The following SPTAN1 variants were observed in gnomAD, a reference collection of about 807,000 sequenced individuals.
SPTAN1 encodes the protein spectrin alpha chain, non-erythrocytic 1.
In SPTAN1, 61 loss-of-function variants were observed where a neutral mutation model predicts 331.3. The observed-to-expected ratio is 0.18, with a 90% CI of 0.15 to 0.23. SPTAN1 has a LOEUF of 0.23. SPTAN1 is among the 10% of genes least tolerant of loss of function. The pLI is 1.00. For synonymous variants in SPTAN1, 1,153 were observed against 1,173.9 expected (o/e 0.98, Z 0.36); for missense variants, 2,043 against 3,147.9 (o/e 0.65, Z 8.40).
At chr9:128,592,336 G>A (rs1178460386) in intron 22 of SPTAN1, among the ~76,000 whole-genome samples, 1 of 150,582 alleles carries the variant, frequency 6.6e-6, no homozygotes, top group Non-Finnish European at 1.5e-5. Context: ...GTGCAGTGGT[G>A]TGATCTTGGC....
chr9:128,622,994 G>T (rs1421375543), intron 45 of SPTAN1, among the ~76,000 whole-genome samples: 1 of 151,740 alleles, frequency 6.6e-6, no homozygotes, highest in Non-Finnish European at 1.5e-5. Flanking sequence ...CTCATGATCC[G>T]CCTGCCTCGG....
intron 21 of SPTAN1, among the ~76,000 whole-genome samples, chr9:128,590,236 A>G (rs1460403408): frequency 6.6e-6 from 1 of 152,188 alleles, no homozygotes; most frequent in African/African-American, 2.4e-5. Context: ...ATTTAAACCT[A>G]AACCAACTTG....
At position 128,555,530 on chromosome 9, in the gene SPTAN1, C is replaced by T; in HGVS notation, c.-4+2834C>T. 7.2e-6 allele frequency: 4 copies of T among 554,926 alleles called. No homozygotes were observed. The South Asian group carries it at 7.9e-5, about 11-fold the overall frequency. 34.4% of individuals were successfully genotyped at this position (554,926 alleles called of 1,614,324 possible). ...AAAAAACCCTGCCTGCATGACGTTT[C>T]TGTTAAACAAATTGGTTAGGATTTG... On this transcript the variant is annotated intron_variant, in intron 1 of 56. Transcript: ENST00000372739.
chr9:128,561,112 G>C (rs1230965514), intron 1 of SPTAN1, among the ~76,000 whole-genome samples: 2 of 151,678 alleles, frequency 1.3e-5, no homozygotes, highest in Non-Finnish European at 1.5e-5. Flanking sequence ...GTTCACGCCT[G>C]TAATCCCAGC....
At chr9:128,563,252 C>CA (rs1251915258) in intron 1 of SPTAN1, among the ~76,000 whole-genome samples, 5 of 151,054 alleles carry the variant, frequency 3.3e-5, no homozygotes, top group Non-Finnish European at 5.9e-5. Context: ...CACACCTGTA[C>CA]AAAAAATATA....
In SPTAN1 at chr9:128,627,004, G is replaced by C; in HGVS notation, c.6576+317G>C. The C allele has an allele frequency of 1.8e-6, 1 of 558,808 alleles. No individual in the cohort carries two copies. The highest frequency in any genetic ancestry group is 1.5e-5 in the South Asian group (1 of 65,238). 34.6% of individuals were successfully genotyped at this position (558,808 alleles called of 1,614,324 possible). ...TAATTATTTTAATTTTTGTAGACAG[G>C]GTGTTGCTATGTTGCCCAGGCTGGT... is the stretch of plus-strand genomic sequence containing the variant. On this transcript the variant is annotated intron_variant, in intron 49 of 56. Coordinates refer to ENST00000372739, the MANE Select transcript of SPTAN1 (RefSeq NM_001130438.3). The surrounding 1 kb of genome is among the most constrained non-coding windows in gnomAD (Gnocchi z 4.9).
rs1858904437 is a variant in SPTAN1 at position 128,627,223 on chromosome 9, C to G, written c.6577-163C>G. The G allele has an allele frequency of 1.5e-6, 1 of 675,866 alleles. No homozygotes were observed. Among genetic ancestry groups the G allele is most frequent in the East Asian group, 2.8e-5 (1 of 35,872 alleles). The allele number at this position is 675,866 out of a possible 1,614,324, so 41.9% of individuals were successfully genotyped here. On this transcript the variant is annotated intron_variant, in intron 49 of 56. Transcript: ENST00000372739. This position sits in a 1 kb window ranked among gnomAD's most constrained non-coding sequence, Gnocchi z 4.9. ...CTGGGGGGTGGGAACAGAGAAAGAA[C>G]TACCAAGTGCTCTGAGCCGGCCTCA...
At chr9:128,598,525 G>A (rs771968361) in intron 25 of SPTAN1, 21 bp downstream of exon 25, 1 of 1,545,996 alleles carries the variant, frequency 6.5e-7, no homozygotes, top group East Asian at 2.3e-5. Flanking sequence ...CCATCTTGGA[G>A]TGAGGCTCTG....
Position 128,632,414 on chromosome 9 carries a change from T to C in SPTAN1, c.6960-17T>C. ...CTGTGTGGAGGGTCTGTTCCCTAATTTCTGTTTTTCTTCCAGGAACACAAC... is the reference window on the plus strand; with the variant it reads ...CTGTGTGGAGGGTCTGTTCCCTAATCTCTGTTTTTCTTCCAGGAACACAAC... On this transcript the variant is annotated splice_polypyrimidine_tract_variant and intron_variant, in intron 53 of 56. Transcript: ENST00000372739. 6.2e-7 allele frequency: 1 copy of C among 1,613,992 alleles called. No individual in the cohort carries two copies. Among genetic ancestry groups the C allele is most frequent in the Non-Finnish European group, 8.5e-7 (1 of 1,179,974 alleles).
Position 128,632,555 on chromosome 9 carries a change from T to G in SPTAN1, c.7014-17T>G, listed in dbSNP as rs759162715. On this transcript the variant is annotated splice_polypyrimidine_tract_variant and intron_variant, in intron 54 of 56. Coordinates refer to ENST00000372739, the MANE Select transcript of SPTAN1 (RefSeq NM_001130438.3). ...AGCAGGGCTGCCTGCTGAGCCGCCC[T>G]CGGCTTTGTGCTGCAGACACTTTGA... 1 of 1,614,116 alleles carries G rather than the reference T, an allele frequency of 6.2e-7. No individual in the cohort carries two copies. The highest frequency in any genetic ancestry group is 8.5e-7 in the Non-Finnish European group (1 of 1,180,036).
Position 128,574,809 on chromosome 9 carries a change from T to C in SPTAN1, c.498T>C (p.Asn166=). The C allele has an allele frequency of 6.2e-7, 1 of 1,614,010 alleles. No homozygotes were observed. The highest frequency in any genetic ancestry group is 8.5e-7 in the Non-Finnish European group (1 of 1,179,904). Residue 166 remains asparagine (N), a synonymous_variant, in exon 4 of 57, where the codon AAT becomes AAC. Transcript: ENST00000372739. The stretch of plus-strand genomic sequence containing the variant: ...GTGAGGACGTGATGGACTGGATCAA[T>C]GACAAGGCACGTTTTGGGAAGAAGG... ...RECEDVMDWI[N]DKEAIVTSEE...
chr9:128,603,188 T>G (rs200128608), intron 27 of SPTAN1, among the ~76,000 whole-genome samples: 7 of 145,322 alleles, frequency 4.8e-5, no homozygotes, highest in East Asian at 4.0e-4. Flanking sequence ...AAATTTAGGG[T>G]TTTTTTTTTT....
chr9:128,617,430 C>T (rs1857309145), intron 41 of SPTAN1, among the ~76,000 whole-genome samples: 1 of 152,158 alleles, frequency 6.6e-6, no homozygotes, highest in African/African-American at 2.4e-5. Flanking sequence ...AGAATCCGGA[C>T]ACACAGCAGG....
At chr9:128,624,177 A>T (rs1858379361) in intron 45 of SPTAN1, 151 bp from the exon 46 acceptor site, 1 of 803,328 alleles carries the variant, frequency 1.2e-6, no homozygotes. Flanking sequence ...CATTGCTCTT[A>T]CAAAAGCCTT....
chr9:128,560,179 G>A (rs920737358), intron 1 of SPTAN1, among the ~76,000 whole-genome samples: 3 of 147,704 alleles, frequency 2.0e-5, no homozygotes, highest in African/African-American at 7.5e-5. Context: ...AGCCTCCCGG[G>A]TTCTGGCAAT....
intron 9 of SPTAN1, among the ~76,000 whole-genome samples, chr9:128,578,489 C>T (rs1018436238): frequency 4.6e-5 from 7 of 152,012 alleles, no homozygotes; most frequent in Admixed American, 1.3e-4. Flanking sequence ...CAAGCTCTGG[C>T]GAGATAGAAG....
chr9:128,583,305 T>A (rs933061586), intron 15 of SPTAN1, 24 bp downstream of exon 15: 18 of 1,610,294 alleles, frequency 1.1e-5, no homozygotes, highest in Non-Finnish European at 1.5e-5. Flanking sequence ...CATTGAATTG[T>A]GACATGCATG....
In SPTAN1 at chr9:128,630,310, T is replaced by C; in HGVS notation, c.6708-11T>C. The C allele has an allele frequency of 1.9e-6, 3 of 1,613,792 alleles. No individual in the cohort carries two copies. The highest frequency in any genetic ancestry group is 1.1e-5 in the South Asian group (1 of 91,064). On this transcript the variant is annotated splice_polypyrimidine_tract_variant and intron_variant, in intron 51 of 56. Coordinates refer to ENST00000372739, the MANE Select transcript of SPTAN1 (RefSeq NM_001130438.3). ...AGCAGGCCCCTTTCCTCACTGTCCT[T>C]CCACGTTTAGGTCCTGTATGGTGGA...
At chr9:128,598,865 G>A (rs1589272217) in intron 25 of SPTAN1, 98 bp from the exon 26 acceptor site, 2 of 1,115,428 alleles carry the variant, frequency 1.8e-6, no homozygotes, top group East Asian at 2.4e-5. Flanking sequence ...TGTCCTTTTG[G>A]AATTATCTCC....
Sources: allele counts gnomAD v4.1 joint callset (sites outside exome capture counted in the v4.1 genomes callset), GRCh38; gene constraint gnomAD v4.1.1; non-coding constraint Gnocchi (gnomAD v3.1); transcripts MANE v1.5; gene names NCBI Gene and HGNC (gene_info 2026-07-23, HGNC 2026-07-21).